RAB44: variants seen among roughly 807,000 people sequenced by gnomAD.
RAB44 encodes the protein RAB44, member RAS oncogene family, also known as ras-related protein Rab-44.
A neutral mutation model predicts 93.3 loss-of-function variants in RAB44; 67 were observed. The ratio of observed to expected loss-of-function variants is 0.72; its 90% CI spans 0.59 to 0.88. The LOEUF is 0.88. RAB44 is among the 40% of genes least tolerant of loss of function. The probability of loss-of-function intolerance (pLI) is 0.00; values close to 1 mark genes in which losing one functional copy is unlikely to be tolerated. For missense variants in RAB44, 1,064 were observed against 1,261.7 expected, an observed-to-expected ratio of 0.84 and a Z score of 2.37; for synonymous variants, 427 against 520.3, an observed-to-expected ratio of 0.82 and a Z score of 2.44.
Position 36,718,087 on chromosome 6 carries a change from T to C in RAB44, c.701T>C (p.Ile234Thr). 1.6e-6 allele frequency: 2 copies of C among 1,232,200 alleles called. No homozygotes were observed. The highest frequency in any genetic ancestry group is 2.0e-6 in the Non-Finnish European group (2 of 988,102). 76.3% of individuals were successfully genotyped at this position (1,232,200 alleles called of 1,614,324 possible). A position where few individuals can be genotyped will look rare whatever the true frequency, so the allele number is the denominator to read the frequency against. ...QQLYEEMEQQ[I>T]RQEKQQLQAE... ...CTCTATGAGGAGATGGAGCAGCAGATCCGCCAGGAGAAGCAGCAGCTGCAG... is the reference window on the plus strand; with the variant it reads ...CTCTATGAGGAGATGGAGCAGCAGACCCGCCAGGAGAAGCAGCAGCTGCAG... Residue 234 changes from isoleucine (I) to threonine (T), a missense_variant, in exon 6 of 14, where the codon ATC (isoleucine) becomes ACC (threonine). Transcript: ENST00000612677.
At position 36,717,459 on chromosome 6, in the gene RAB44, G is replaced by A; in HGVS notation, c.641+40G>A. ...TGGCCGGGTGTCTGATACGAAGTAG[G>A]TGCTCTTCACATTCCAGTGGAATCT... On this transcript the variant is annotated intron_variant, in intron 5 of 13. Coordinates refer to ENST00000612677, the MANE Select transcript of RAB44 (RefSeq NM_001257357.2). This position sits in a 1 kb window ranked among gnomAD's most constrained non-coding sequence, Gnocchi z 4.1. 2.4e-6 allele frequency: 3 copies of A among 1,231,966 alleles called. No homozygotes were observed. The highest frequency in any genetic ancestry group is 4.1e-5 in the South Asian group (1 of 24,232). The allele number at this position is 1,231,966 out of a possible 1,614,324, so 76.3% of individuals were successfully genotyped here.
intron 9 of RAB44, 21 bp downstream of exon 9, chr6:36,722,754 G>GGCAGGGA (rs1562065119): frequency 1.3e-6 from 2 of 1,550,256 alleles, no homozygotes; most frequent in Non-Finnish European, 1.7e-6. Context: ...TGGGGAGGGC[G>GGCAGGGA]GCAGGGAGCA....
intron 9 of RAB44, 76 bp from the exon 10 acceptor site, chr6:36,725,786 T>C: frequency 1.0e-6 from 1 of 968,116 alleles, no homozygotes; most frequent in South Asian, 1.4e-5. Context: ...AGGGGACAGG[T>C]GTATACTGGG....
At chr6:36,698,885 C>T (rs887358157) in intron 1 of RAB44, among the ~76,000 whole-genome samples, 8 of 152,070 alleles carry the variant, frequency 5.3e-5, no homozygotes, top group Non-Finnish European at 1.0e-4. Context: ...CACGTTTGCA[C>T]GTGTACATTT....
intron 1 of RAB44, among the ~76,000 whole-genome samples, chr6:36,700,364 C>T (rs960127613): frequency 6.6e-6 from 1 of 152,208 alleles, no homozygotes; most frequent in Non-Finnish European, 1.5e-5. Context: ...TTGTGAGCCT[C>T]CTTTTCTGCA....
rs188040737 is a variant in RAB44, at chr6:36,718,929, C to T, written c.828+341C>T. 2.2e-3 allele frequency among the ~76,000 whole-genome samples: 325 copies of T among 150,752 alleles called. 1 individual carries two copies. The highest frequency in any genetic ancestry group is 6.6e-3 in the Admixed American group (100 of 15,172). ...CTGCCCCATTTTTTTTTTTTTGACACGGAATCATGCTGTCACCCAGGCTGG... is the reference window on the plus strand; with the variant it reads ...CTGCCCCATTTTTTTTTTTTTGACATGGAATCATGCTGTCACCCAGGCTGG... On this transcript the variant is annotated intron_variant, in intron 7 of 13. Transcript: ENST00000612677.
rs1762618724 is a variant in RAB44, at chr6:36,705,254, GGCCATCA to G, written c.207+813_207+819del. On this transcript the variant is annotated intron_variant, in intron 2 of 13. Transcript: ENST00000612677. The stretch of plus-strand genomic sequence containing the variant: ...TTCTTAAAATGGCTAATATCTAACA[GGCCATCA>G]ATCTTTCAGGCTATCTGTTCTACTA... 9.2e-5 allele frequency among the ~76,000 whole-genome samples: 14 copies of G among 152,112 alleles called. No homozygotes were observed. In the South Asian group the frequency reaches 2.9e-3, roughly 32 times the overall value.
In RAB44 at chr6:36,722,538, G is replaced by T; in HGVS notation, c.2404G>T (p.Glu802Ter). 1 of 1,540,822 alleles carries T rather than the reference G, an allele frequency of 6.5e-7. No homozygotes were observed. The highest frequency in any genetic ancestry group is 2.4e-5 in the East Asian group (1 of 40,824). ...SREPRAESRL[E>*]DPGMDSREAG... ...GGAACCAAGGGCAGAGAGCAGGCTTGAAGATCCAGGAATGGACTCCAGGGA... is the reference window on the plus strand; with the variant it reads ...GGAACCAAGGGCAGAGAGCAGGCTTTAAGATCCAGGAATGGACTCCAGGGA... Residue 802 changes from glutamate to a stop codon, truncating the protein, a stop_gained, in exon 9 of 14, where the codon GAA (glutamate) becomes TAA (stop). Transcript: ENST00000612677. LOFTEE classifies it high-confidence loss of function.
chr6:36,731,866 T>A lies in RAB44; in HGVS notation c.2976-137T>A, dbSNP rs1582651292. The A allele has an allele frequency of 4.7e-6, 2 of 427,964 alleles. No individual in the cohort carries two copies. The highest frequency in any genetic ancestry group is 7.8e-6 in the Non-Finnish European group (2 of 255,364). The allele number at this position is 427,964 out of a possible 1,614,324, so 26.5% of individuals were successfully genotyped here. ...CAGTGACTCAATTCTTCGGGTCTCA[T>A]GTGGAATGCAGGGCAGGGGCAGAGC... On this transcript the variant is annotated intron_variant, in intron 13 of 13. Coordinates refer to ENST00000612677, the MANE Select transcript of RAB44 (RefSeq NM_001257357.2). This position sits in a 1 kb window ranked among gnomAD's most constrained non-coding sequence, Gnocchi z 4.0.
At chr6:36,706,056 C>T (rs868786404) in intron 2 of RAB44, among the ~76,000 whole-genome samples, 25 of 152,234 alleles carry the variant, frequency 1.6e-4, no homozygotes, top group Middle Eastern at 6.8e-3. Flanking sequence ...CAGGCCACTA[C>T]GCCTGGCTGA....
rs1228791195 is a variant in RAB44, at chr6:36,732,544, C to G, written c.*451C>G. ...AGGAGGAGAGAAACTTCCCAAGGAG[C>G]TCCCTTGGGTGCTGCTGGCTCCTAA... On this transcript the variant is annotated 3_prime_UTR_variant, in exon 14 of 14. Transcript: ENST00000612677. 1 of 152,198 alleles carries G rather than the reference C, an allele frequency of 6.6e-6. No individual in the cohort carries two copies. The highest frequency in any genetic ancestry group is 1.5e-5 in the Non-Finnish European group (1 of 68,112). 9.4% of individuals were successfully genotyped at this position (152,198 alleles called of 1,614,324 possible). A position where few individuals can be genotyped will look rare whatever the true frequency, so the allele number is the denominator to read the frequency against.
chr6:36,710,601 G>T (rs1490754438), intron 2 of RAB44, among the ~76,000 whole-genome samples: 1 of 106,242 alleles, frequency 9.4e-6, no homozygotes, highest in Non-Finnish European at 1.7e-5. Flanking sequence ...AGGCTGGAGT[G>T]CAGTGGCATG....
In RAB44 at chr6:36,722,403, G is replaced by T. The variant is rs1224037237; in HGVS notation, c.2269G>T (p.Gly757Ter). The T allele has an allele frequency of 1.4e-6, 2 of 1,401,030 alleles. No homozygotes were observed. The highest frequency in any genetic ancestry group is 1.9e-6 in the Non-Finnish European group (2 of 1,080,522). 86.8% of individuals were successfully genotyped at this position (1,401,030 alleles called of 1,614,324 possible). ...PRGAQPGAGA[G>*]PQEPTQTPPT... is the part of the protein sequence containing the mutation. ...GGGGGCTCAGCCTGGGGCTGGAGCAGGACCCCAGGAACCCACGCAAACCCC... is the reference window on the plus strand; with the variant it reads ...GGGGGCTCAGCCTGGGGCTGGAGCATGACCCCAGGAACCCACGCAAACCCC... Residue 757 changes from glycine (G) to a stop codon, truncating the protein, a stop_gained, in exon 9 of 14, where the codon GGA (glycine) becomes TGA (stop). Coordinates refer to ENST00000612677, the MANE Select transcript of RAB44 (RefSeq NM_001257357.2). LOFTEE classifies it high-confidence loss of function.
intron 2 of RAB44, among the ~76,000 whole-genome samples, chr6:36,705,127 A>G (rs1762613654): frequency 2.3e-5 from 3 of 128,096 alleles, no homozygotes; most frequent in South Asian, 4.2e-4. Flanking sequence ...AAAAAAAAAA[A>G]GAAGAATGAG....
At chr6:36,730,355 A>G (rs1763331532) in intron 12 of RAB44, among the ~76,000 whole-genome samples, 1 of 152,258 alleles carries the variant, frequency 6.6e-6, no homozygotes, top group African/African-American at 2.4e-5. Context: ...ATTAAAAAAC[A>G]TAACTAACAT....
intron 10 of RAB44, among the ~76,000 whole-genome samples, chr6:36,727,095 C>T (rs1288035566): frequency 1.3e-5 from 2 of 152,118 alleles, no homozygotes; most frequent in African/African-American, 4.8e-5. Flanking sequence ...GCCACCGTGC[C>T]CAGCCCGATA....
Position 36,725,851 on chromosome 6 carries a change from A to T in RAB44, c.2600-11A>T. ...AACTTAGTAGGCTTCACCCCTCTCTATGTGTCCTAGGAGTAGATTTTCGGG... is the reference window on the plus strand; with the variant it reads ...AACTTAGTAGGCTTCACCCCTCTCTTTGTGTCCTAGGAGTAGATTTTCGGG... On this transcript the variant is annotated splice_polypyrimidine_tract_variant and intron_variant, in intron 9 of 13. Coordinates refer to ENST00000612677, the MANE Select transcript of RAB44 (RefSeq NM_001257357.2). 2 of 1,547,508 alleles carry T rather than the reference A, an allele frequency of 1.3e-6. No homozygotes were observed. Among genetic ancestry groups the T allele is most frequent in the Non-Finnish European group, 1.7e-6 (2 of 1,144,244 alleles).
At chr6:36,724,897 C>T (rs1763197602) in intron 9 of RAB44, among the ~76,000 whole-genome samples, 1 of 152,190 alleles carries the variant, frequency 6.6e-6, no homozygotes, top group Admixed American at 6.5e-5. Flanking sequence ...CATTCCTGCT[C>T]CCCCACCTCA....
At chr6:36,724,423 C>T (rs994391612) in intron 9 of RAB44, among the ~76,000 whole-genome samples, 2 of 152,104 alleles carry the variant, frequency 1.3e-5, no homozygotes, top group Admixed American at 1.3e-4. Context: ...TCCCAAAGTG[C>T]TGGGATTACA....
Sources: allele counts gnomAD v4.1 joint callset (sites outside exome capture counted in the v4.1 genomes callset), GRCh38; gene constraint gnomAD v4.1.1; non-coding constraint Gnocchi (gnomAD v3.1); transcripts MANE v1.5; gene names NCBI Gene and HGNC (gene_info 2026-07-23, HGNC 2026-07-21).